The following NPC1 variants were observed in gnomAD, a reference collection of about 807,000 sequenced individuals.
NPC1 encodes Niemann-Pick C1 protein.
Under a neutral mutation model 140.4 loss-of-function variants are expected in NPC1, and 85 were observed. The observed-to-expected ratio is 0.61, with a 90% CI of 0.51 to 0.72. The LOEUF is 0.72. Ranked by LOEUF, NPC1 falls within the 30% of genes least tolerant of loss-of-function variation. The pLI is 0.00. For missense variants in NPC1, 1,504 were observed against 1,623.8 expected (o/e 0.93, Z 1.27); for synonymous variants, 656 against 624.8 (o/e 1.05, Z -0.74).
Position 23,543,445 on chromosome 18 carries a change from G to A in NPC1, c.2245+10C>T. The A allele has an allele frequency of 3.3e-6, 5 of 1,506,696 alleles. No homozygotes were observed. Among genetic ancestry groups the A allele is most frequent in the Non-Finnish European group, 4.6e-6 (5 of 1,083,114 alleles). The allele number at this position is 1,506,696 out of a possible 1,614,324, so 93.3% of individuals were successfully genotyped here. A position where few individuals can be genotyped will look rare whatever the true frequency, so the allele number is the denominator to read the frequency against. ...GACTACAGGACTGGTAGGATTGAAA[G>A]CATAATTACCTAAGAAAAATGCTAC... On this transcript the variant is annotated intron_variant, in intron 14 of 24. Transcript: ENST00000269228.
intron 9 of NPC1, among the ~76,000 whole-genome samples, chr18:23,552,561 A>T (rs1204090548): frequency 6.6e-6 from 1 of 152,244 alleles, no homozygotes; most frequent in Non-Finnish European, 1.5e-5. Flanking sequence ...ACGGCAAAGA[A>T]ACAGGAAGCA....
intron 4 of NPC1, among the ~76,000 whole-genome samples, chr18:23,564,984 CATAG>C (rs1015556600): frequency 1.3e-5 from 2 of 152,110 alleles, no homozygotes; most frequent in African/African-American, 4.8e-5. Context: ...ATCAGTTGAC[CATAG>C]ATATATTATT....
Position 23,541,142 on chromosome 18 carries a change from C to T in NPC1, c.2440G>A (p.Glu814Lys), listed in dbSNP as rs756147692. The T allele has an allele frequency of 1.1e-5, 17 of 1,614,092 alleles. No individual in the cohort carries two copies. The highest frequency in any genetic ancestry group is 3.3e-5 in the Admixed American group (2 of 60,004). The part of the protein sequence containing the change: ...AEDGTSVQAS[E>K]SCLFRFFKNS... The stretch of plus-strand genomic sequence containing the variant: ...TTGAAGAAGCGAAACAAACAGCTCT[C>T]TGAGGCCTGGACGCTTGTTCCATCT... The change falls in exon 16 of 25, where the codon GAG (glutamate) becomes AAG (lysine). Residue 814 changes from glutamate (E) to lysine (K), a missense_variant. Glu to Lys is a moderately conservative substitution (Grantham distance 56, BLOSUM62 1). Transcript: ENST00000269228.
chr18:23,585,568 C>A (rs1423544956), intron 1 of NPC1, among the ~76,000 whole-genome samples: 1 of 152,172 alleles, frequency 6.6e-6, no homozygotes, highest in Non-Finnish European at 1.5e-5. Context: ...CTGCCCCACT[C>A]CAGTTTTAAA....
At chr18:23,539,742 G>A in intron 18 of NPC1, 69 bp downstream of exon 18, 1 of 1,505,316 alleles carries the variant, frequency 6.6e-7, no homozygotes, top group Non-Finnish European at 9.2e-7. Context: ...GACATTTCAG[G>A]CCTGAGCTGA....
In NPC1 at chr18:23,538,589, G is replaced by A; in HGVS notation, c.2994C>T (p.Phe998=). ...GGTTATCCGAAAGGAACATGGGCAG[G>A]AATCTCATGAAGTCTCCCCCCTGAG... is the stretch of plus-strand genomic sequence containing the variant. The part of the protein sequence containing the change: ...QRPQGGDFMR[F]LPMFLSDNPN... Residue 998 remains phenylalanine, a synonymous_variant, in exon 20 of 25, where the codon TTC becomes TTT. Coordinates refer to ENST00000269228, the MANE Select transcript of NPC1 (RefSeq NM_000271.5). The A allele has an allele frequency of 6.2e-7, 1 of 1,614,172 alleles. No homozygotes were observed. The highest frequency in any genetic ancestry group is 8.5e-7 in the Non-Finnish European group (1 of 1,180,030).
At position 23,535,703 on chromosome 18, in the gene NPC1, G is replaced by GGAGGGGA; in HGVS notation, c.3246-10_3246-4dup. On this transcript the variant is annotated splice_polypyrimidine_tract_variant and splice_region_variant and intron_variant, in intron 21 of 24. Transcript: ENST00000269228. The stretch of plus-strand genomic sequence containing the variant: ...GTTCGTAGAAGACATAAAACACACT[G>GGAGGGGA]GAGGGGAGAGGGGAGGCCTCATTAA... The GGAGGGGA allele has an allele frequency of 6.3e-7, 1 of 1,596,980 alleles. No individual in the cohort carries two copies.
At chr18:23,534,691 C>CT in intron 22 of NPC1, 132 bp from the exon 23 acceptor site, 1 of 726,298 alleles carries the variant, frequency 1.4e-6, no homozygotes, top group Non-Finnish European at 2.5e-6. Flanking sequence ...TCCCATTGGA[C>CT]TTACAAGGCC....
At position 23,544,367 on chromosome 18, in the gene NPC1, A is replaced by T. The variant is rs762802747; in HGVS notation, c.2107T>A (p.Phe703Ile). ...ACCTGGTAGGCCTGCACCAGAATGA[A>T]GATGTTGTCCACTCCAACAGCCAGC... Reference protein sequence around the residue: ...LVLAVGVDNIFILVQAYQRDE... With the variant: ...LVLAVGVDNIIILVQAYQRDE... Residue 703 changes from phenylalanine (F) to isoleucine (I), a missense_variant, in exon 13 of 25, where the codon TTC becomes ATC. Coordinates refer to ENST00000269228, the MANE Select transcript of NPC1 (RefSeq NM_000271.5). 6.2e-7 allele frequency: 1 copy of T among 1,614,202 alleles called. No homozygotes were observed. Among genetic ancestry groups the T allele is most frequent in the Non-Finnish European group, 8.5e-7 (1 of 1,180,028 alleles).
chr18:23,553,953 T>C (rs1487944577), intron 9 of NPC1, among the ~76,000 whole-genome samples: 1 of 152,188 alleles, frequency 6.6e-6, no homozygotes, highest in Non-Finnish European at 1.5e-5. Flanking sequence ...CTGGGCTATA[T>C]ATCTGAGACA....
downstream of NPC1, chr18:23,526,901 A>C (rs1327672264): frequency 1.7e-6 from 2 of 1,185,710 alleles, no homozygotes; most frequent in African/African-American, 3.1e-5. Flanking sequence ...AGGGGTGGCT[A>C]TGTGACCCCC....
intron 13 of NPC1, 143 bp from the exon 14 acceptor site, chr18:23,543,712 G>C: frequency 1.5e-6 from 1 of 645,376 alleles, no homozygotes; most frequent in Non-Finnish European, 2.7e-6. Flanking sequence ...AAACTTCGGT[G>C]GGGGACTCCA....
In NPC1 at chr18:23,544,943, A is replaced by ACCGCCCC; in HGVS notation, c.1947+16_1947+17insGGGGCGG. Reference sequence around the variant, plus strand: ...GCTGTTAACCTCTAGAACATACACCACCCCCCCCCGGCTTACCAGAAGCCT... The same window carrying ACCGCCCC: ...GCTGTTAACCTCTAGAACATACACCACCGCCCCCCCCCCCCCGGCTTACCAGAAGCCT... On this transcript the variant is annotated intron_variant, in intron 12 of 24. Coordinates refer to ENST00000269228, the MANE Select transcript of NPC1 (RefSeq NM_000271.5). 1 of 1,032,986 alleles carries ACCGCCCC rather than the reference A, an allele frequency of 9.7e-7. No homozygotes were observed. The highest frequency in any genetic ancestry group is 1.3e-5 in the South Asian group (1 of 74,506). The allele number at this position is 1,032,986 out of a possible 1,614,324, so 64.0% of individuals were successfully genotyped here. A position where few individuals can be genotyped will look rare whatever the true frequency, so the allele number is the denominator to read the frequency against.
Position 23,533,226 on chromosome 18 carries a change from C to T in NPC1, c.3754+129G>A, listed in dbSNP as rs1469638535. The T allele has an allele frequency of 3.8e-6, 4 of 1,044,694 alleles. No homozygotes were observed. The African/African-American group carries it at 6.4e-5, about 17-fold the overall frequency. 64.7% of individuals were successfully genotyped at this position (1,044,694 alleles called of 1,614,324 possible). ...TTCTTTTAGAAGAAATTTTTTTACT[C>T]AGTATCATTTATCATTATCAAATGA... On this transcript the variant is annotated intron_variant, in intron 24 of 24. Coordinates refer to ENST00000269228, the MANE Select transcript of NPC1 (RefSeq NM_000271.5).
At chr18:23,571,613 C>T (rs1269255634) in intron 3 of NPC1, among the ~76,000 whole-genome samples, 1 of 150,858 alleles carries the variant, frequency 6.6e-6, no homozygotes, top group African/African-American at 2.4e-5. Flanking sequence ...GAGATCATGC[C>T]ACTGTACTCC....
chr18:23,507,839 C>T, intron 3 of NPC1: 2 of 562,524 alleles, frequency 3.6e-6, no homozygotes, highest in Middle Eastern at 5.0e-4. Flanking sequence ...GTCTTTTTAT[C>T]TTTCCTGTGT....
At chr18:23,555,752 C>T (rs1243420284) in intron 8 of NPC1, among the ~76,000 whole-genome samples, 2 of 152,092 alleles carry the variant, frequency 1.3e-5, no homozygotes, top group Non-Finnish European at 2.9e-5. Context: ...AGGCTGGGTG[C>T]CCATGTTCAG....
chr18:23,552,858 T>C (rs983566285), intron 9 of NPC1, among the ~76,000 whole-genome samples: 1 of 152,046 alleles, frequency 6.6e-6, no homozygotes, highest in African/African-American at 2.4e-5. Flanking sequence ...AAGAACCCCA[T>C]GAGGAAGGCG....
intron 16 of NPC1, 80 bp from the exon 17 acceptor site, chr18:23,540,617 CA>C: frequency 9.4e-7 from 1 of 1,058,842 alleles, no homozygotes; most frequent in East Asian, 2.5e-5. Flanking sequence ...TAAGCACACA[CA>C]AAAAGCAGGA....
Sources: allele counts gnomAD v4.1 joint callset (sites outside exome capture counted in the v4.1 genomes callset), GRCh38; gene constraint gnomAD v4.1.1; transcripts MANE v1.5; gene names NCBI Gene and HGNC (gene_info 2026-07-23, HGNC 2026-07-21).